The following LRRCC1 variants were observed in gnomAD, a reference collection of about 807,000 sequenced individuals.
LRRCC1 encodes leucine rich repeat and coiled-coil centrosomal protein 1, also known as leucine-rich repeat and coiled-coil domain-containing protein 1.
LRRCC1 carries 115 observed loss-of-function variants against 126.0 expected under a neutral mutation model. The ratio of observed to expected loss-of-function variants is 0.91; its 90% CI spans 0.78 to 1.07. The LOEUF is 1.07. Among genes scored for constraint, LRRCC1 ranks in the 50% least tolerant of loss-of-function variants. The pLI is 0.00. For missense variants in LRRCC1, 1,172 were observed against 1,175.7 expected, an observed-to-expected ratio of 1.00 and a Z score of 0.05; for synonymous variants, 400 against 393.4, an observed-to-expected ratio of 1.02 and a Z score of -0.20.
chr8:85,137,636 G>C lies in LRRCC1; in HGVS notation c.2493+9G>C. ...TTAGAAAATTAAAAGATGTAAGTTTGACATTTTATTTTGGTTAAAGAGCAA... is the reference window on the plus strand; with the variant it reads ...TTAGAAAATTAAAAGATGTAAGTTTCACATTTTATTTTGGTTAAAGAGCAA... On this transcript the variant is annotated intron_variant, in intron 15 of 18. Transcript: ENST00000360375. 1 of 1,423,986 alleles carries C rather than the reference G, an allele frequency of 7.0e-7. No individual in the cohort carries two copies. The highest frequency in any genetic ancestry group is 9.2e-7 in the Non-Finnish European group (1 of 1,085,928). The allele number at this position is 1,423,986 out of a possible 1,614,324, so 88.2% of individuals were successfully genotyped here. A position where few individuals can be genotyped will look rare whatever the true frequency, so the allele number is the denominator to read the frequency against.
chr8:85,109,337 G>A (rs1808510302), intron 1 of LRRCC1: 1 of 474,212 alleles, frequency 2.1e-6, no homozygotes. Flanking sequence ...GCTGATGACT[G>A]CACACAGGAG....
Position 85,126,698 on chromosome 8 carries a change from G to A in LRRCC1, c.1282G>A (p.Glu428Lys), listed in dbSNP as rs1162220864. Reference sequence around the variant, plus strand: ...TGTTGTTTTCTTTCAGTCCCTTGTTGAACAGCTAGACCAAGAGAGAGAGAA... The same window carrying A: ...TGTTGTTTTCTTTCAGTCCCTTGTTAAACAGCTAGACCAAGAGAGAGAGAA... Reference protein sequence around the residue: ...SEDNTYQSLVEQLDQEREKRW... With the variant: ...SEDNTYQSLVKQLDQEREKRW... The change falls in exon 9 of 19, where the codon GAA becomes AAA. Residue 428 changes from glutamate (E) to lysine (K), a missense_variant. Physicochemically the swap from Glu to Lys is moderately conservative, Grantham distance 56 (BLOSUM62 1). Transcript: ENST00000360375. 1.9e-6 allele frequency: 3 copies of A among 1,610,264 alleles called. No individual in the cohort carries two copies. Among genetic ancestry groups the A allele is most frequent in the Non-Finnish European group, 2.5e-6 (3 of 1,179,288 alleles).
intron 18 of LRRCC1, among the ~76,000 whole-genome samples, chr8:85,141,965 G>C (rs183392542): frequency 5.9e-5 from 9 of 152,264 alleles, no homozygotes; most frequent in Admixed American, 5.2e-4. Flanking sequence ...TGCTAAATCA[G>C]AGGGAAACAT....
intron 4 of LRRCC1, among the ~76,000 whole-genome samples, chr8:85,113,565 CAT>C (rs1491107175): frequency 6.6e-6 from 1 of 151,886 alleles, no homozygotes; most frequent in African/African-American, 2.4e-5. Flanking sequence ...TGTATGCACG[CAT>C]GTGTGTGTGT....
In LRRCC1 at chr8:85,138,434, G is replaced by T. The variant is rs369494964; in HGVS notation, c.2799G>T (p.Lys933Asn). ...AAGAAAAATTTGAAAACAAGGAAAA[G>T]AAACTTAAAGCGGAAAGAGACAAAA... ...EVKEKFENKE[K>N]KLKAERDKSI... The change falls in exon 17 of 19, where the codon AAG becomes AAT. Residue 933 changes from lysine (K) to asparagine (N), a missense_variant. Lys to Asn is a moderately conservative substitution (Grantham distance 94). Coordinates refer to ENST00000360375, the MANE Select transcript of LRRCC1 (RefSeq NM_033402.5). 2.2e-4 allele frequency: 350 copies of T among 1,612,532 alleles called. 2 individuals are homozygous for T. Among genetic ancestry groups the T allele is most frequent in the South Asian group, 1.8e-3 (161 of 90,694 alleles).
chr8:85,127,298 TTTTTG>T (rs71312666), intron 9 of LRRCC1, among the ~76,000 whole-genome samples: 8 of 151,060 alleles, frequency 5.3e-5, no homozygotes, highest in Non-Finnish European at 8.9e-5. Flanking sequence ...TTATCTGGGT[TTTTTG>T]TTTTGTTTTG....
chr8:85,120,483 T>C (rs1809459447), intron 6 of LRRCC1, among the ~76,000 whole-genome samples: 1 of 152,228 alleles, frequency 6.6e-6, no homozygotes, highest in Non-Finnish European at 1.5e-5. Flanking sequence ...AGTTACTCTT[T>C]TATCATCATG....
At position 85,145,478 on chromosome 8, in the gene LRRCC1, T is replaced by A. The variant is rs753451494; in HGVS notation, c.3066T>A (p.Ala1022=). The A allele has an allele frequency of 6.3e-6, 10 of 1,588,356 alleles. No individual in the cohort carries two copies. Among genetic ancestry groups the A allele is most frequent in the Middle Eastern group, 3.3e-4 (2 of 6,028 alleles). The change falls in exon 19 of 19, where the codon GCT becomes GCA. Residue 1022 remains alanine, a synonymous_variant. Transcript: ENST00000360375. ...TGGAAGCAAAAATTAAGCAACTTGC[T>A]TTTGCTTTAAATGAAATTCAGCAAG... ...KTMEAKIKQL[A]FALNEIQQDM
chr8:85,112,794 C>A (rs1587369503), intron 3 of LRRCC1, 138 bp from the exon 4 acceptor site: 2 of 457,216 alleles, frequency 4.4e-6, no homozygotes, highest in South Asian at 1.6e-4. Context: ...ATAGCCTATT[C>A]ATTAGATATA....
At chr8:85,131,989 G>A (rs772059173) in intron 12 of LRRCC1, 28 bp downstream of exon 12, 3 of 1,577,926 alleles carry the variant, frequency 1.9e-6, no homozygotes, top group African/African-American at 1.4e-5. Context: ...GCTTTTTATT[G>A]AAAACAGAAT....
At chr8:85,143,273 A>T (rs1811384725) in intron 18 of LRRCC1, among the ~76,000 whole-genome samples, 1 of 151,992 alleles carries the variant, frequency 6.6e-6, no homozygotes. Context: ...GTGAGCTGAG[A>T]TCACACCATT....
chr8:85,138,262 T>G lies in LRRCC1; in HGVS notation c.2702+19T>G, dbSNP rs1435060504. ...CTTACAGGTATTATATAGTACAGTA[T>G]TTCCCACTGAGAAATAAAATGTGGC... On this transcript the variant is annotated intron_variant, in intron 16 of 18. Transcript: ENST00000360375. The G allele has an allele frequency of 1.9e-6, 3 of 1,581,124 alleles. No homozygotes were observed. The African/African-American group carries it at 4.1e-5, about 22-fold the overall frequency.
Position 85,128,288 on chromosome 8 carries a change from A to AAACTGGAAGACTTTGGGCACACTT in LRRCC1, c.1422-886_1422-863dup, listed in dbSNP as rs1810164195. On this transcript the variant is annotated intron_variant, in intron 9 of 18. Transcript: ENST00000360375. ...TAGGGCTGCTAGCCAAAGTCCATTT[A>AAACTGGAAGACTTTGGGCACACTT]AACTGGAAGACTTTGGGCACACTTT... Among the ~76,000 whole-genome samples, 7 of 152,296 alleles carry AAACTGGAAGACTTTGGGCACACTT rather than the reference A, an allele frequency of 4.6e-5. No homozygotes were observed. In the South Asian group the frequency reaches 1.5e-3, roughly 32 times the overall value.
At position 85,126,868 on chromosome 8, in the gene LRRCC1, C is replaced by T. The variant is rs763032223; in HGVS notation, c.1421+31C>T. ...AAGAAATTAATAAACCTGAAGATAC[C>T]TCATAGCATAAACAATACTGACTTT... On this transcript the variant is annotated intron_variant, in intron 9 of 18. Transcript: ENST00000360375. 5 of 1,559,210 alleles carry T rather than the reference C, an allele frequency of 3.2e-6. No homozygotes were observed. In the East Asian group the frequency reaches 6.7e-5, roughly 21 times the overall value.
chr8:85,130,205 G>A (rs918526187), intron 11 of LRRCC1, 147 bp downstream of exon 11: 11 of 511,908 alleles, frequency 2.1e-5, no homozygotes, highest in Non-Finnish European at 3.1e-5. Context: ...GCGCAATCTC[G>A]GCTCACTGCA....
At chr8:85,112,281 C>T (rs1379894189) in intron 3 of LRRCC1, among the ~76,000 whole-genome samples, 2 of 152,118 alleles carry the variant, frequency 1.3e-5, no homozygotes, top group African/African-American at 4.8e-5. Flanking sequence ...CACTCAAAGA[C>T]CTGTACATGA....
At chr8:85,135,752 T>C in intron 13 of LRRCC1, 37 bp from the exon 14 acceptor site, 1 of 1,217,228 alleles carries the variant, frequency 8.2e-7, no homozygotes, top group Non-Finnish European at 1.1e-6. Flanking sequence ...AAGCACTTAA[T>C]ATAATAATTC....
At chr8:85,121,350 T>C (rs1005139639) in intron 6 of LRRCC1, among the ~76,000 whole-genome samples, 1 of 152,210 alleles carries the variant, frequency 6.6e-6, no homozygotes, top group African/African-American at 2.4e-5. Flanking sequence ...TGTTTGTCTC[T>C]TTTATATTCA....
chr8:85,129,276 T>C lies in LRRCC1; in HGVS notation c.1523T>C (p.Met508Thr), dbSNP rs894266554. ...ATTAAAAAACTGACTGTTGAACTAA[T>C]GAAAGCAAAAGATCAACAAGAGGAT... ...NEIKKLTVEL[M>T]KAKDQQEDHL... Residue 508 changes from methionine to threonine, a missense_variant, in exon 10 of 19, where the codon ATG becomes ACG. Met to Thr is a moderately conservative substitution (Grantham distance 81). Coordinates refer to ENST00000360375, the MANE Select transcript of LRRCC1 (RefSeq NM_033402.5). The C allele has an allele frequency of 1.9e-6, 3 of 1,613,672 alleles. No individual in the cohort carries two copies. Among genetic ancestry groups the C allele is most frequent in the African/African-American group, 1.3e-5 (1 of 74,900 alleles).
Sources: gnomAD v4.1 joint callset for allele counts (sites outside exome capture counted in the v4.1 genomes callset) on GRCh38, gnomAD v4.1.1 for gene constraint, MANE v1.5 for transcripts, NCBI Gene and HGNC (gene_info 2026-07-23, HGNC 2026-07-21) for gene names.